Variants in SEZ6L observed in about 807,000 individuals in gnomAD.
SEZ6L encodes the protein seizure related 6 homolog like, also known as seizure 6-like protein.
SEZ6L carries 37 observed loss-of-function variants against 106.2 expected under a neutral mutation model. That is an observed-to-expected ratio of 0.35 (90% CI 0.27 to 0.46). The LOEUF (loss-of-function observed/expected upper bound fraction) is 0.46, where lower values mean the gene tolerates loss of function less well. SEZ6L is among the 20% of genes least tolerant of loss of function. SEZ6L has a pLI of 1.00. For missense variants in SEZ6L, 1,172 were observed against 1,332.8 expected (o/e 0.88, Z 1.88); for synonymous variants, 541 against 570.4 (o/e 0.95, Z 0.73).
At chr22:26,360,153 A>G (rs1019573906) in intron 12 of SEZ6L, among the ~76,000 whole-genome samples, 1 of 152,234 alleles carries the variant, frequency 6.6e-6, no homozygotes, top group African/African-American at 2.4e-5. Flanking sequence ...AGTTTTAAAA[A>G]GAATACTCTG....
intron 1 of SEZ6L, among the ~76,000 whole-genome samples, chr22:26,255,845 C>A (rs1415987947): frequency 6.6e-6 from 1 of 152,212 alleles, no homozygotes; most frequent in Non-Finnish European, 1.5e-5. Context: ...GGGCCTCTGC[C>A]TTCGTGGAGC....
rs182155076 is a variant in SEZ6L at position 26,354,997 on chromosome 22, C to A, written c.2599+3754C>A. On this transcript the variant is annotated intron_variant, in intron 12 of 16. Transcript: ENST00000248933. Reference sequence around the variant, plus strand: ...ATAACGCAGGAGGCGAGAGATGGTCCGATTCTGGCAGCGCGGCTCCTGAGT... The same window carrying A: ...ATAACGCAGGAGGCGAGAGATGGTCAGATTCTGGCAGCGCGGCTCCTGAGT... 2.0e-5 allele frequency among the ~76,000 whole-genome samples: 3 copies of A among 152,340 alleles called. No homozygotes were observed. In the East Asian group the frequency reaches 5.8e-4, roughly 29 times the overall value.
intron 3 of SEZ6L, among the ~76,000 whole-genome samples, chr22:26,295,215 T>C (rs2081267153): frequency 6.6e-6 from 1 of 152,144 alleles, no homozygotes; most frequent in Non-Finnish European, 1.5e-5. Flanking sequence ...AATATGACAA[T>C]GCAGAGATCA....
At chr22:26,222,515 C>T (rs193237462) in intron 1 of SEZ6L, among the ~76,000 whole-genome samples, 28 of 152,210 alleles carry the variant, frequency 1.8e-4, no homozygotes, top group Admixed American at 1.7e-3. Flanking sequence ...TGTGTTCTAG[C>T]CACTTGACAT....
chr22:26,361,506 CAAAAA>C (rs530265526), intron 12 of SEZ6L, among the ~76,000 whole-genome samples: 6,284 of 130,636 alleles, frequency 0.048, 351 homozygotes, highest in African/African-American at 0.14. Flanking sequence ...GACTCTGTCT[CAAAAA>C]AAAAAAAAAA....
chr22:26,227,918 T>G (rs1402471030), intron 1 of SEZ6L, among the ~76,000 whole-genome samples: 1 of 152,196 alleles, frequency 6.6e-6, no homozygotes, highest in African/African-American at 2.4e-5. Flanking sequence ...AATGCCCATC[T>G]GTAAAAACGT....
chr22:26,293,551 T>C (rs1337446089), intron 2 of SEZ6L, among the ~76,000 whole-genome samples: 2 of 152,156 alleles, frequency 1.3e-5, no homozygotes, highest in African/African-American at 2.4e-5. Flanking sequence ...GCTGGGGAAC[T>C]CCTGGGCTCA....
At chr22:26,317,384 C>T (rs1279702226) in intron 9 of SEZ6L, among the ~76,000 whole-genome samples, 1 of 151,766 alleles carries the variant, frequency 6.6e-6, no homozygotes, top group East Asian at 1.9e-4. Context: ...CACCCAGCCC[C>T]AGGCCCCATG....
chr22:26,277,528 T>C (rs2080591024), intron 1 of SEZ6L, among the ~76,000 whole-genome samples: 1 of 152,248 alleles, frequency 6.6e-6, no homozygotes, highest in Admixed American at 6.5e-5. Context: ...CCATGCGAGT[T>C]ATGTGGATGA....
At chr22:26,282,711 G>A (rs867702800) in intron 1 of SEZ6L, among the ~76,000 whole-genome samples, 2 of 152,156 alleles carry the variant, frequency 1.3e-5, no homozygotes, top group South Asian at 2.1e-4. Flanking sequence ...GAAGCCTACC[G>A]TGCCAGTATC....
chr22:26,358,438 A>G (rs929827885), intron 12 of SEZ6L, among the ~76,000 whole-genome samples: 1 of 152,180 alleles, frequency 6.6e-6, no homozygotes, highest in Non-Finnish European at 1.5e-5. Context: ...GTCAGTTAAC[A>G]TTGGCTGCTA....
intron 16 of SEZ6L, among the ~76,000 whole-genome samples, chr22:26,378,867 C>T (rs1366398931): frequency 6.6e-6 from 1 of 152,240 alleles, no homozygotes; most frequent in Admixed American, 6.5e-5. Context: ...TTCACCTCCA[C>T]TTCTCTGATC....
chr22:26,287,289 A>T (rs1158836551), intron 1 of SEZ6L, among the ~76,000 whole-genome samples: 1 of 152,118 alleles, frequency 6.6e-6, no homozygotes, highest in Non-Finnish European at 1.5e-5. Context: ...GTAGTTGATT[A>T]TCAGTGTGTG....
intron 1 of SEZ6L, among the ~76,000 whole-genome samples, chr22:26,266,299 G>A (rs1237135247): frequency 6.6e-6 from 1 of 151,770 alleles, no homozygotes; most frequent in African/African-American, 2.4e-5. Context: ...GGTGGCTTAC[G>A]CCTGTAATCC....
intron 1 of SEZ6L, among the ~76,000 whole-genome samples, chr22:26,262,280 CTA>C (rs2080040052): frequency 1.3e-5 from 2 of 150,838 alleles, no homozygotes; most frequent in African/African-American, 4.9e-5. Flanking sequence ...ATCTATCTAT[CTA>C]TCTCTTTTAA....
At chr22:26,180,291 C>A (rs1939305235) in intron 1 of SEZ6L, among the ~76,000 whole-genome samples, 1 of 152,208 alleles carries the variant, frequency 6.6e-6, no homozygotes, top group Admixed American at 6.5e-5. Flanking sequence ...ACATATTCAT[C>A]AAGATGTGGC....
At chr22:26,275,960 A>T (rs796411090) in intron 1 of SEZ6L, among the ~76,000 whole-genome samples, 4 of 152,288 alleles carry the variant, frequency 2.6e-5, no homozygotes, top group African/African-American at 9.6e-5. Context: ...GACATGGAGC[A>T]AATACAGCCC....
intron 1 of SEZ6L, among the ~76,000 whole-genome samples, chr22:26,256,308 A>G (rs1023602945): frequency 6.6e-6 from 1 of 152,220 alleles, no homozygotes; most frequent in African/African-American, 2.4e-5. Context: ...GAACAAAGGA[A>G]GTGAATAAGA....
rs536944527 is a variant in SEZ6L at position 26,277,313 on chromosome 22, A to G, written c.95-15093A>G. Among the ~76,000 whole-genome samples, 4 of 152,234 alleles carry G rather than the reference A, an allele frequency of 2.6e-5. No individual in the cohort carries two copies. The East Asian group carries it at 7.7e-4, about 29-fold the overall frequency. ...CAAGCTTTCCCACTTAACACCTGCTACAAGTCCCCCAAAGGCCCCTAGGTT... is the reference window on the plus strand; with the variant it reads ...CAAGCTTTCCCACTTAACACCTGCTGCAAGTCCCCCAAAGGCCCCTAGGTT... On this transcript the variant is annotated intron_variant, in intron 1 of 16. Transcript: ENST00000248933.
Sources: allele counts gnomAD v4.1 joint callset (sites outside exome capture counted in the v4.1 genomes callset), GRCh38; gene constraint gnomAD v4.1.1; transcripts MANE v1.5; gene names NCBI Gene and HGNC (gene_info 2026-07-23, HGNC 2026-07-21).